The following BACH2 variants were observed in gnomAD, a reference collection of about 807,000 sequenced individuals.
The protein encoded by BACH2 is BACH transcriptional regulator 2.
A neutral mutation model predicts 61.8 loss-of-function variants in BACH2; 5 were observed. The observed-to-expected ratio is 0.08, with a 90% CI of 0.04 to 0.17. The LOEUF (loss-of-function observed/expected upper bound fraction) is 0.17. BACH2 is among the 10% of genes least tolerant of loss of function. The pLI is 1.00. For missense variants in BACH2, 824 were observed against 1,091.1 expected, an observed-to-expected ratio of 0.76 and a Z score of 3.45; for synonymous variants, 446 against 440.1, an observed-to-expected ratio of 1.01 and a Z score of -0.17.
intron 6 of BACH2, among the ~76,000 whole-genome samples, chr6:89,978,624 T>C (rs541727486): frequency 1.4e-5 from 2 of 138,104 alleles, no homozygotes; most frequent in East Asian, 4.1e-4. Context: ...GACTGGGTTG[T>C]GTTGGCTTTA....
chr6:90,092,731 G>A (rs964998632), intron 4 of BACH2, among the ~76,000 whole-genome samples: 1 of 152,162 alleles, frequency 6.6e-6, no homozygotes, highest in African/African-American at 2.4e-5. Context: ...AAAGTACTAA[G>A]TTAGAAGATC....
intron 5 of BACH2, among the ~76,000 whole-genome samples, chr6:90,026,793 A>T (rs189681075): frequency 7.4e-4 from 112 of 152,340 alleles, no homozygotes; most frequent in African/African-American, 2.5e-3. Context: ...GATTCTTAAT[A>T]AAAGGAAACT....
rs1210123494 is a variant in BACH2, at chr6:90,056,297, AC to A, written c.-13+32663del. On this transcript the variant is annotated intron_variant, in intron 5 of 8. Coordinates refer to ENST00000257749, the MANE Select transcript of BACH2 (RefSeq NM_021813.4). ...GGAAGATCTACCAAGCAAATGGAAA[AC>A]AAAAAAAGGCAGGGGTTGCAATCCT... Among the ~76,000 whole-genome samples, 268 of 152,294 alleles carry A rather than the reference AC, an allele frequency of 1.8e-3. 2 individuals are homozygous for A. The highest frequency in any genetic ancestry group is 6.1e-3 in the African/African-American group (254 of 41,572).
At chr6:90,269,879 G>C (rs1771465245) in intron 2 of BACH2, among the ~76,000 whole-genome samples, 1 of 152,134 alleles carries the variant, frequency 6.6e-6, no homozygotes, top group Non-Finnish European at 1.5e-5. Context: ...TATTTCAATA[G>C]TTTTGGGGGA....
At chr6:90,268,251 C>G (rs377162974) in intron 2 of BACH2, among the ~76,000 whole-genome samples, 22 of 152,232 alleles carry the variant, frequency 1.4e-4, no homozygotes, top group African/African-American at 5.1e-4. Flanking sequence ...AGTGATCTGC[C>G]TGCCTTGGCC....
chr6:90,148,775 C>T (rs182758654), intron 4 of BACH2, among the ~76,000 whole-genome samples: 82 of 152,296 alleles, frequency 5.4e-4, no homozygotes, highest in African/African-American at 1.7e-3. Flanking sequence ...TGTTTTGATT[C>T]TTTCCTTACT....
intron 4 of BACH2, among the ~76,000 whole-genome samples, chr6:90,176,942 G>A (rs1768003059): frequency 6.6e-6 from 1 of 152,038 alleles, no homozygotes; most frequent in South Asian, 2.1e-4. Flanking sequence ...CCGTCCTTCT[G>A]GCTTCTCTGG....
chr6:90,120,963 A>G (rs1783599559), intron 4 of BACH2, among the ~76,000 whole-genome samples: 1 of 152,230 alleles, frequency 6.6e-6, no homozygotes, highest in African/African-American at 2.4e-5. Context: ...AAATGAAAGT[A>G]AGTCACTAGA....
At chr6:90,164,434 C>A (rs1355956643) in intron 4 of BACH2, among the ~76,000 whole-genome samples, 1 of 151,496 alleles carries the variant, frequency 6.6e-6, no homozygotes, top group Admixed American at 6.6e-5. Context: ...GCTTACCAAC[C>A]AAAAAAAGTC....
chr6:90,150,252 G>A (rs939101598), intron 4 of BACH2, among the ~76,000 whole-genome samples: 2 of 152,052 alleles, frequency 1.3e-5, no homozygotes, highest in African/African-American at 4.8e-5. Context: ...GACAATTGCT[G>A]TACCCTCCCA....
intron 5 of BACH2, among the ~76,000 whole-genome samples, chr6:90,052,076 A>G (rs1039370869): frequency 6.6e-6 from 1 of 152,192 alleles, no homozygotes; most frequent in African/African-American, 2.4e-5. Context: ...TGATTCTTGG[A>G]AATCTGTTGA....
chr6:89,932,243 G>T lies in BACH2; in HGVS notation c.*165C>A. The T allele has an allele frequency of 3.2e-6, 3 of 929,906 alleles. No individual in the cohort carries two copies. Among genetic ancestry groups the T allele is most frequent in the Non-Finnish European group, 4.9e-6 (3 of 618,450 alleles). 57.6% of individuals were successfully genotyped at this position (929,906 alleles called of 1,614,324 possible). A position where few individuals can be genotyped will look rare whatever the true frequency, so the allele number is the denominator to read the frequency against. On this transcript the variant is annotated 3_prime_UTR_variant, in exon 9 of 9. Transcript: ENST00000257749. ...GTGAAGGTAACTATCACTCCTGCTC[G>T]AGAAGAGGAGAGGATACTTCGGAAC...
At chr6:90,031,512 G>T (rs1223124927) in intron 5 of BACH2, among the ~76,000 whole-genome samples, 1 of 152,100 alleles carries the variant, frequency 6.6e-6, no homozygotes, top group Non-Finnish European at 1.5e-5. Context: ...AAAGTCTCAG[G>T]ATACAAAATC....
intron 4 of BACH2, among the ~76,000 whole-genome samples, chr6:90,177,590 C>T (rs1453276651): frequency 1.3e-5 from 2 of 152,152 alleles, no homozygotes; most frequent in South Asian, 2.1e-4. Flanking sequence ...TCTGGTGAAA[C>T]GTAATGCACG....
rs541474502 is a variant in BACH2 at position 89,951,236 on chromosome 6, C to T, written c.870G>A (p.Thr290=). The part of the protein sequence containing the change: ...PSEENEEESI[T]LCLSGDEPDA... ...CAGGCTCATCTCCAGACAGGCAGAG[C>T]GTGATGCTCTCTTCCTCATTCTCTT... Residue 290 remains threonine (T), a synonymous_variant, in exon 7 of 9, where the codon ACG becomes ACA. Transcript: ENST00000257749. The surrounding 1 kb of genome is among the most constrained non-coding windows in gnomAD (Gnocchi z 6.4). 51 of 1,614,068 alleles carry T rather than the reference C, an allele frequency of 3.2e-5. No homozygotes were observed. In the East Asian group the frequency reaches 8.7e-4, roughly 28 times the overall value.
intron 5 of BACH2, among the ~76,000 whole-genome samples, chr6:90,081,678 A>G (rs1160099810): frequency 1.3e-5 from 2 of 152,160 alleles, no homozygotes; most frequent in Non-Finnish European, 2.9e-5. Context: ...AGATATAACC[A>G]ATGTCAAAGA....
At chr6:90,017,858 G>A (rs565883898) in intron 5 of BACH2, among the ~76,000 whole-genome samples, 4 of 152,114 alleles carry the variant, frequency 2.6e-5, no homozygotes, top group Non-Finnish European at 5.9e-5. Flanking sequence ...GAACATTTTT[G>A]ATTGGATGCC....
chr6:90,017,881 A>C (rs76883886), intron 5 of BACH2, among the ~76,000 whole-genome samples: 20,223 of 152,140 alleles, frequency 0.13, 1,506 homozygotes, highest in Admixed American at 0.2. Context: ...ACAGTGTAAA[A>C]TTTACCTTGT....
chr6:90,009,457 A>C (rs1439409801), intron 5 of BACH2, among the ~76,000 whole-genome samples: 1 of 152,244 alleles, frequency 6.6e-6, no homozygotes, highest in Non-Finnish European at 1.5e-5. Context: ...TGCCACTTCA[A>C]GGCAAAGCAC....
Sources: allele counts gnomAD v4.1 joint callset (sites outside exome capture counted in the v4.1 genomes callset), GRCh38; gene constraint gnomAD v4.1.1; non-coding constraint Gnocchi (gnomAD v3.1); transcripts MANE v1.5; gene names NCBI Gene and HGNC (gene_info 2026-07-23, HGNC 2026-07-21).